ERN1: variants seen among roughly 807,000 people sequenced by gnomAD.
ERN1 encodes the protein serine/threonine-protein kinase/endoribonuclease IRE1.
ERN1 carries 39 observed loss-of-function variants against 113.1 expected under a neutral mutation model. The observed-to-expected ratio is 0.34, with a 90% CI of 0.27 to 0.45. ERN1 has a LOEUF of 0.45. ERN1 is among the 20% of genes least tolerant of loss of function. The pLI, the probability that ERN1 is intolerant of heterozygous loss-of-function variation, is 1.00. For missense variants in ERN1, 976 were observed against 1,274.8 expected (o/e 0.77, Z 3.57); for synonymous variants, 507 against 515.9 (o/e 0.98, Z 0.23).
In ERN1 at chr17:64,052,771, A is replaced by G; in HGVS notation, c.2253+9T>C. ...TGTAGTTTTCAAAGGGCCATAGCCTATTACTCACAGGGTTCTCCTTACAGT... is the reference window on the plus strand; with the variant it reads ...TGTAGTTTTCAAAGGGCCATAGCCTGTTACTCACAGGGTTCTCCTTACAGT... On this transcript the variant is annotated intron_variant, in intron 17 of 21. Coordinates refer to ENST00000433197, the MANE Select transcript of ERN1 (RefSeq NM_001433.5). 2 of 1,611,530 alleles carry G rather than the reference A, an allele frequency of 1.2e-6. No homozygotes were observed. The highest frequency in any genetic ancestry group is 1.7e-6 in the Non-Finnish European group (2 of 1,178,016).
At chr17:64,129,938 G>T in intron 1 of ERN1, 38 bp downstream of exon 1, 1 of 1,401,472 alleles carries the variant, frequency 7.1e-7, no homozygotes, top group Non-Finnish European at 9.3e-7. Flanking sequence ...CCCGGCCGTC[G>T]CGAGCTGTCC....
intron 17 of ERN1, among the ~76,000 whole-genome samples, chr17:64,051,471 C>CTGCCAAAAACATTCG (rs1208075898): frequency 1.3e-5 from 2 of 152,200 alleles, no homozygotes; most frequent in Non-Finnish European, 2.9e-5. Flanking sequence ...ATGTAGAGAC[C>CTGCCAAAAACATTCG]TGCCAAAAAC....
Position 64,080,745 on chromosome 17 carries a change from G to C in ERN1, c.209+30C>G. 3 of 1,601,720 alleles carry C rather than the reference G, an allele frequency of 1.9e-6. No homozygotes were observed. In the South Asian group the frequency reaches 3.4e-5, roughly 18 times the overall value. ...ATTGAATGAAGAAGACTGAATTAAA[G>C]GGAAGTACTGAGCGAATCAGAAAAC... On this transcript the variant is annotated intron_variant, in intron 3 of 21. Coordinates refer to ENST00000433197, the MANE Select transcript of ERN1 (RefSeq NM_001433.5).
chr17:64,058,824 ATGTTCT>A (rs1263052296), intron 11 of ERN1, among the ~76,000 whole-genome samples: 2 of 152,010 alleles, frequency 1.3e-5, no homozygotes, highest in Non-Finnish European at 2.9e-5. Context: ...GCTGCCTAGA[ATGTTCT>A]TCTCTCCCCT....
Position 64,048,318 on chromosome 17 carries a change from T to C in ERN1, c.2402-333A>G, listed in dbSNP as rs1046474631. Among the ~76,000 whole-genome samples, 21 of 152,150 alleles carry C rather than the reference T, an allele frequency of 1.4e-4. 1 individual carries two copies. ...AGATTCAAGGTGACGCTGAAAAACG[T>C]GCATGCTGCAAAACAGTATGCAGGA... On this transcript the variant is annotated intron_variant, in intron 18 of 21. Transcript: ENST00000433197.
chr17:64,119,487 C>G (rs1914900447), intron 1 of ERN1, among the ~76,000 whole-genome samples: 1 of 137,888 alleles, frequency 7.3e-6, no homozygotes, highest in South Asian at 2.4e-4. Context: ...CTCCTGGGTT[C>G]AAGCAATTCT....
chr17:64,058,089 A>G (rs540608402), intron 11 of ERN1, 96 bp from the exon 12 acceptor site: 5 of 927,772 alleles, frequency 5.4e-6, no homozygotes, highest in African/African-American at 1.7e-5. Context: ...TTACAAGGAT[A>G]TGACTGTACT....
At chr17:64,045,174 A>G (rs1912472233) in intron 20 of ERN1, among the ~76,000 whole-genome samples, 185 bp downstream of exon 20, 1 of 152,018 alleles carries the variant, frequency 6.6e-6, no homozygotes, top group South Asian at 2.1e-4. Flanking sequence ...CTGTCACTCT[A>G]GGGAACAAAA....
At chr17:64,112,410 C>T (rs527578834) in intron 1 of ERN1, among the ~76,000 whole-genome samples, 2 of 151,540 alleles carry the variant, frequency 1.3e-5, no homozygotes, top group South Asian at 2.1e-4. Flanking sequence ...CAGAGTATAA[C>T]TGCTGAGGAG....
chr17:64,044,251 G>T lies in ERN1; in HGVS notation c.2722-51C>A. On this transcript the variant is annotated intron_variant, in intron 21 of 21. Transcript: ENST00000433197. This position sits in a 1 kb window ranked among gnomAD's most constrained non-coding sequence, Gnocchi z 4.1. ...GATTAGAAAGGGGTTAGAAAGCTCGGGAAATGTTGGCAAAACACCCTTTCA... is the reference window on the plus strand; with the variant it reads ...GATTAGAAAGGGGTTAGAAAGCTCGTGAAATGTTGGCAAAACACCCTTTCA... 1 of 1,307,356 alleles carries T rather than the reference G, an allele frequency of 7.6e-7. No homozygotes were observed. The highest frequency in any genetic ancestry group is 1.0e-6 in the Non-Finnish European group (1 of 974,358). 81.0% of individuals were successfully genotyped at this position (1,307,356 alleles called of 1,614,324 possible). A position where few individuals can be genotyped will look rare whatever the true frequency, so the allele number is the denominator to read the frequency against.
intron 2 of ERN1, among the ~76,000 whole-genome samples, chr17:64,083,675 G>T (rs1913837970): frequency 6.6e-6 from 1 of 152,132 alleles, no homozygotes; most frequent in South Asian, 2.1e-4. Flanking sequence ...ATTAACACGG[G>T]AAAGAAACAA....
chr17:64,084,467 C>A (rs1374564118), intron 2 of ERN1, among the ~76,000 whole-genome samples: 1 of 152,034 alleles, frequency 6.6e-6, no homozygotes, highest in Non-Finnish European at 1.5e-5. Flanking sequence ...CTGCCAATCA[C>A]CAGCTGAGTG....
intron 8 of ERN1, among the ~76,000 whole-genome samples, 174 bp downstream of exon 8, chr17:64,066,497 C>T (rs1598055702): frequency 6.6e-6 from 1 of 152,146 alleles, no homozygotes; most frequent in Non-Finnish European, 1.5e-5. Context: ...TAATGGGTGC[C>T]CCTCAGCTCT....
chr17:64,095,770 C>G (rs1914212743), intron 2 of ERN1, among the ~76,000 whole-genome samples: 1 of 152,186 alleles, frequency 6.6e-6, no homozygotes, highest in South Asian at 2.1e-4. Flanking sequence ...TCCTCCCTCC[C>G]TCTACCTGGA....
intron 1 of ERN1, among the ~76,000 whole-genome samples, chr17:64,124,886 A>G (rs553894264): frequency 6.6e-6 from 1 of 152,332 alleles, no homozygotes; most frequent in Non-Finnish European, 1.5e-5. Flanking sequence ...AGACCACATA[A>G]TGTATGATTC....
chr17:64,061,764 C>T (rs749465105), intron 10 of ERN1, among the ~76,000 whole-genome samples: 39 of 152,186 alleles, frequency 2.6e-4, no homozygotes, highest in Non-Finnish European at 4.4e-4. Flanking sequence ...TGAGTATGTG[C>T]GGGTAACTCT....
chr17:64,111,069 G>A (rs1006002714), intron 1 of ERN1, among the ~76,000 whole-genome samples: 3 of 152,152 alleles, frequency 2.0e-5, no homozygotes, highest in Non-Finnish European at 2.9e-5. Flanking sequence ...ATCAAAGGAA[G>A]AACTCCCTCG....
intron 1 of ERN1, among the ~76,000 whole-genome samples, chr17:64,099,635 T>C (rs1016166063): frequency 2.0e-5 from 3 of 151,968 alleles, no homozygotes; most frequent in African/African-American, 4.8e-5. Flanking sequence ...TGTAAAAGGA[T>C]TGGGGTTATT....
chr17:64,045,591 G>A (rs986926652), intron 19 of ERN1, 109 bp from the exon 20 acceptor site: 150 of 1,451,836 alleles, frequency 1.0e-4, no homozygotes, highest in Non-Finnish European at 1.4e-4. Context: ...CTGCCCCAGA[G>A]CTGGGCAGCA....
Sources: allele counts gnomAD v4.1 joint callset (sites outside exome capture counted in the v4.1 genomes callset), GRCh38; gene constraint gnomAD v4.1.1; non-coding constraint Gnocchi (gnomAD v3.1); transcripts MANE v1.5; gene names NCBI Gene and HGNC (gene_info 2026-07-23, HGNC 2026-07-21).